Variants in VKORC1L1 observed in about 807,000 individuals in gnomAD.
The protein encoded by VKORC1L1 is vitamin K epoxide reductase complex subunit 1L1.
VKORC1L1 carries 2 observed loss-of-function variants against 18.9 expected under a neutral mutation model. The observed-to-expected ratio is 0.11, with a 90% CI of 0.04 to 0.33. VKORC1L1 has a LOEUF of 0.33. Ranked by LOEUF, VKORC1L1 falls within the 10% of genes least tolerant of loss-of-function variation. The pLI is 1.00. For missense variants in VKORC1L1, 123 were observed against 224.1 expected, an observed-to-expected ratio of 0.55 and a Z score of 2.88; for synonymous variants, 96 against 100.0, an observed-to-expected ratio of 0.96 and a Z score of 0.24.
At chr7:65,918,878 T>G (rs1278066437) in intron 1 of VKORC1L1, among the ~76,000 whole-genome samples, 1 of 152,156 alleles carries the variant, frequency 6.6e-6, no homozygotes, top group South Asian at 2.1e-4. Context: ...GCAGATCACT[T>G]GAGGCCAAGA....
intron 1 of VKORC1L1, among the ~76,000 whole-genome samples, chr7:65,926,628 T>C (rs1789769705): frequency 6.6e-6 from 1 of 152,258 alleles, no homozygotes; most frequent in East Asian, 1.9e-4. Flanking sequence ...AAGAAGTCAT[T>C]CTATGAAAAA....
At chr7:65,893,439 G>A (rs151046815) in intron 1 of VKORC1L1, among the ~76,000 whole-genome samples, 348 of 152,310 alleles carry the variant, frequency 2.3e-3, no homozygotes, top group Admixed American at 3.6e-3. Flanking sequence ...TACTTGGGAG[G>A]CTGAGGCAGG....
At chr7:65,935,053 C>CAAA (rs551047338) in intron 1 of VKORC1L1, among the ~76,000 whole-genome samples, 3 of 58,436 alleles carry the variant, frequency 5.1e-5, no homozygotes, top group Non-Finnish European at 3.7e-5. Context: ...GATTACATCT[C>CAAA]AAAAAAAAAA....
In VKORC1L1 at chr7:65,906,759, A is replaced by G. The variant is rs145365332; in HGVS notation, c.194+33194A>G. Among the ~76,000 whole-genome samples the G allele has an allele frequency of 5.0e-3, 762 of 152,308 alleles. 3 individuals are homozygous for G. The highest frequency in any genetic ancestry group is 8.0e-3 in the Non-Finnish European group (544 of 68,022). ...CGTGAAAGTAAAGGGGAAGAGATCCATAATTCATGGTTGACTTGACGTTTT... is the reference window on the plus strand; with the variant it reads ...CGTGAAAGTAAAGGGGAAGAGATCCGTAATTCATGGTTGACTTGACGTTTT... On this transcript the variant is annotated intron_variant, in intron 1 of 2. Coordinates refer to ENST00000360768, the MANE Select transcript of VKORC1L1 (RefSeq NM_173517.6).
rs370091296 is a variant in VKORC1L1, at chr7:65,954,208, G to A, written c.439G>A (p.Val147Met). The A allele has an allele frequency of 4.6e-5, 74 of 1,613,972 alleles. 2 individuals are homozygous for A. Among genetic ancestry groups the A allele is most frequent in the East Asian group, 4.0e-4 (18 of 44,884 alleles). The change falls in exon 3 of 3, where the codon GTG (valine) becomes ATG (methionine). Residue 147 changes from valine to methionine, a missense_variant. Transcript: ENST00000360768. ...CTGCATCATCTGCATCGTCACGTACGTGCTGAACTTCCTTCTTCTCATTAT... is the reference window on the plus strand; with the variant it reads ...CTGCATCATCTGCATCGTCACGTACATGCTGAACTTCCTTCTTCTCATTAT... ...EFCIICIVTY[V>M]LNFLLLIINY...
At chr7:65,922,918 A>T (rs1215820967) in intron 1 of VKORC1L1, among the ~76,000 whole-genome samples, 5 of 151,986 alleles carry the variant, frequency 3.3e-5, no homozygotes, top group African/African-American at 1.2e-4. Flanking sequence ...ACTCTTCTTG[A>T]ATCTGTGGCT....
intron 1 of VKORC1L1, among the ~76,000 whole-genome samples, chr7:65,920,039 C>T (rs1789650041): frequency 6.6e-6 from 1 of 152,034 alleles, no homozygotes; most frequent in South Asian, 2.1e-4. Flanking sequence ...GCTCCTGTTA[C>T]TCTTCCCTTC....
chr7:65,878,642 C>T (rs1254747429), intron 1 of VKORC1L1, among the ~76,000 whole-genome samples: 2 of 152,096 alleles, frequency 1.3e-5, no homozygotes, highest in African/African-American at 4.8e-5. Context: ...CAGTGGCTCA[C>T]GCCTGTAATC....
intron 1 of VKORC1L1, among the ~76,000 whole-genome samples, chr7:65,905,792 G>A (rs937098942): frequency 6.6e-6 from 1 of 151,880 alleles, no homozygotes; most frequent in Non-Finnish European, 1.5e-5. Flanking sequence ...CTTGGTCCAC[G>A]TGTGGTATTA....
At chr7:65,897,219 G>A (rs957144126) in intron 1 of VKORC1L1, among the ~76,000 whole-genome samples, 4 of 152,174 alleles carry the variant, frequency 2.6e-5, no homozygotes, top group Non-Finnish European at 2.9e-5. Context: ...AAAGACAAGT[G>A]GCTCCTAAAT....
chr7:65,898,243 C>T (rs1159335369), intron 1 of VKORC1L1, among the ~76,000 whole-genome samples: 2 of 151,866 alleles, frequency 1.3e-5, no homozygotes, highest in South Asian at 2.1e-4. Context: ...CCTGCCATCA[C>T]GCCCGGCTAA....
intron 1 of VKORC1L1, among the ~76,000 whole-genome samples, chr7:65,908,750 T>C (rs1204609713): frequency 6.7e-6 from 1 of 149,816 alleles, no homozygotes; most frequent in Non-Finnish European, 1.5e-5. Flanking sequence ...GGCAGGAGAA[T>C]TGCTCGAACC....
rs1207123067 is a variant in VKORC1L1 at position 65,895,492 on chromosome 7, T to A, written c.194+21927T>A. Among the ~76,000 whole-genome samples, 182 of 61,056 alleles carry A rather than the reference T, an allele frequency of 3.0e-3. 1 individual carries two copies. Among genetic ancestry groups the A allele is most frequent in the Middle Eastern group, 0.011 (1 of 92 alleles). The allele number at this position is 61,056 out of a possible 152,430, so 40.1% of individuals were successfully genotyped here. A position where few individuals can be genotyped will look rare whatever the true frequency, so the allele number is the denominator to read the frequency against. ...AAAAAAAAAAAAAAATATATATATA[T>A]ATATATATATATATATATATATATA... is the stretch of plus-strand genomic sequence containing the variant. On this transcript the variant is annotated intron_variant, in intron 1 of 2. Coordinates refer to ENST00000360768, the MANE Select transcript of VKORC1L1 (RefSeq NM_173517.6).
chr7:65,946,744 G>A (rs1294648797), intron 1 of VKORC1L1, among the ~76,000 whole-genome samples: 1 of 152,018 alleles, frequency 6.6e-6, no homozygotes, highest in Admixed American at 6.6e-5. Context: ...CTGGATCCCC[G>A]GCACGTAGCG....
intron 1 of VKORC1L1, among the ~76,000 whole-genome samples, chr7:65,948,117 C>G (rs934492381): frequency 6.6e-6 from 1 of 152,186 alleles, no homozygotes; most frequent in African/African-American, 2.4e-5. Flanking sequence ...TGGTTTTCAA[C>G]TGGGGGCAGT....
At chr7:65,880,337 G>C (rs1788907191) in intron 1 of VKORC1L1, among the ~76,000 whole-genome samples, 1 of 152,202 alleles carries the variant, frequency 6.6e-6, no homozygotes, top group South Asian at 2.1e-4. Flanking sequence ...GGAAATTACT[G>C]TGAAGGTATT....
chr7:65,908,517 C>T (rs1789444237), intron 1 of VKORC1L1, among the ~76,000 whole-genome samples: 1 of 152,002 alleles, frequency 6.6e-6, no homozygotes, highest in African/African-American at 2.4e-5. Flanking sequence ...TGGTATTTCT[C>T]AAACCACTGA....
chr7:65,900,042 CGTGTGT>C (rs58269522), intron 1 of VKORC1L1, among the ~76,000 whole-genome samples: 3,568 of 140,878 alleles, frequency 0.025, 93 homozygotes, highest in African/African-American at 0.06. Context: ...TGTGCACGCA[CGTGTGT>C]GTGTGTGTGT....
chr7:65,934,728 A>C (rs1789912784), intron 1 of VKORC1L1, among the ~76,000 whole-genome samples: 1 of 152,144 alleles, frequency 6.6e-6, no homozygotes, highest in African/African-American at 2.4e-5. Context: ...AAGGCTGAAG[A>C]ATCTTACAAA....
Sources: gnomAD v4.1 joint callset for allele counts (sites outside exome capture counted in the v4.1 genomes callset) on GRCh38, gnomAD v4.1.1 for gene constraint, MANE v1.5 for transcripts, NCBI Gene and HGNC (gene_info 2026-07-23, HGNC 2026-07-21) for gene names.